Variants in ADAM18 observed in about 807,000 individuals in gnomAD.
ADAM18 encodes ADAM metallopeptidase domain 18, also known as disintegrin and metalloproteinase domain-containing protein 18.
A neutral mutation model predicts 94.4 loss-of-function variants in ADAM18; 117 were observed. That is an observed-to-expected ratio of 1.24 (90% confidence interval 1.07 to 1.45). The LOEUF (loss-of-function observed/expected upper bound fraction) is 1.45, where lower values mean the gene tolerates loss of function less well. Ranked by LOEUF, ADAM18 falls within the 40% of genes most tolerant of loss-of-function variation. ADAM18 has a pLI of 0.00. For synonymous variants in ADAM18, 327 were observed against 291.6 expected (o/e 1.12, Z -1.24); for missense variants, 936 against 880.0 (o/e 1.06, Z -0.81).
Position 39,609,515 on chromosome 8 carries a change from G to T in ADAM18, c.298G>T (p.Glu100Ter). ...MHCHYQGYAA[E>*]FPNSFVTLSI... ...TTGCCATTACCAAGGATATGCTGCC[G>T]AATTTCCAAATTCATTTGTGACACT... Residue 100 changes from glutamate (E) to a stop codon, truncating the protein, a stop_gained, in exon 5 of 20, where the codon GAA (glutamate) becomes TAA (stop). Coordinates refer to ENST00000265707, the MANE Select transcript of ADAM18 (RefSeq NM_014237.3). LOFTEE classifies it high-confidence loss of function. The T allele has an allele frequency of 6.2e-7, 1 of 1,610,992 alleles. No homozygotes were observed.
chr8:39,652,008 A>G (rs571455452), intron 12 of ADAM18, among the ~76,000 whole-genome samples: 19 of 152,170 alleles, frequency 1.2e-4, no homozygotes, highest in Non-Finnish European at 2.4e-4. Flanking sequence ...ATGTAGAAGA[A>G]CAAAATTAGA....
At chr8:39,699,092 C>T (rs1821998157) in intron 17 of ADAM18, among the ~76,000 whole-genome samples, 1 of 151,822 alleles carries the variant, frequency 6.6e-6, no homozygotes, top group African/African-American at 2.4e-5. Flanking sequence ...TAAAAATTGC[C>T]CTGATTACTG....
intron 18 of ADAM18, 115 bp from the exon 19 acceptor site, chr8:39,723,632 GT>G (rs1197478294): frequency 4.7e-6 from 3 of 643,416 alleles, no homozygotes; most frequent in Non-Finnish European, 7.0e-6. Context: ...TTTCCTAGTA[GT>G]TTGCAATGCA....
At chr8:39,697,449 T>C (rs1821955351) in intron 17 of ADAM18, among the ~76,000 whole-genome samples, 1 of 151,748 alleles carries the variant, frequency 6.6e-6, no homozygotes, top group African/African-American at 2.4e-5. Flanking sequence ...CAAAATATTT[T>C]CCAATTTTCC....
At chr8:39,667,852 T>A in intron 13 of ADAM18, 146 bp from the exon 14 acceptor site, 1 of 736,664 alleles carries the variant, frequency 1.4e-6, no homozygotes. Flanking sequence ...TGTATTTGAT[T>A]TTTTTTGGCA....
chr8:39,606,793 G>A (rs953072117), intron 3 of ADAM18, among the ~76,000 whole-genome samples: 4 of 152,088 alleles, frequency 2.6e-5, no homozygotes, highest in African/African-American at 4.8e-5. Context: ...GTCAGCAAAG[G>A]GAGATAGGGG....
At chr8:39,661,475 C>T (rs1424978231) in intron 12 of ADAM18, among the ~76,000 whole-genome samples, 3 of 151,582 alleles carry the variant, frequency 2.0e-5, no homozygotes, top group South Asian at 4.2e-4. Context: ...TTCCCAGCCT[C>T]TCTTTTCTAT....
At position 39,729,908 on chromosome 8, in the gene ADAM18, G is replaced by A. The variant is rs142507282; in HGVS notation, c.2188G>A (p.Val730Ile). 2.5e-4 allele frequency: 403 copies of A among 1,612,746 alleles called. No homozygotes were observed. Among genetic ancestry groups the A allele is most frequent in the Non-Finnish European group, 3.2e-4 (373 of 1,178,980 alleles). The stretch of plus-strand genomic sequence containing the variant: ...TTTTCTTCACTATAGTAATTCATCC[G>A]TTGTATCAGAAAGCGATGACGTGGG... ...ENAEYNRNSS[V>I]VSESDDVGH Residue 730 changes from valine (V) to isoleucine (I), a missense_variant, in exon 20 of 20, where the codon GTT becomes ATT. Physicochemically the swap from Val to Ile is conservative, Grantham distance 29 (BLOSUM62 3). Coordinates refer to ENST00000265707, the MANE Select transcript of ADAM18 (RefSeq NM_014237.3).
chr8:39,663,777 C>T lies in ADAM18; in HGVS notation c.1231-18C>T. 1 of 1,541,882 alleles carries T rather than the reference C, an allele frequency of 6.5e-7. No individual in the cohort carries two copies. The highest frequency in any genetic ancestry group is 8.9e-7 in the Non-Finnish European group (1 of 1,119,116). Reference sequence around the variant, plus strand: ...AAGTGGTTAAACTGTAATAATATTTCTTCCTGTAAAATTTTAGGAATGTCA... The same window carrying T: ...AAGTGGTTAAACTGTAATAATATTTTTTCCTGTAAAATTTTAGGAATGTCA... On this transcript the variant is annotated intron_variant, in intron 12 of 19. Transcript: ENST00000265707.
chr8:39,648,916 A>T (rs1304474262), intron 12 of ADAM18, among the ~76,000 whole-genome samples: 1 of 152,162 alleles, frequency 6.6e-6, no homozygotes, highest in Non-Finnish European at 1.5e-5. Context: ...GAATTGCTAA[A>T]CATTATAATG....
intron 7 of ADAM18, among the ~76,000 whole-genome samples, chr8:39,631,148 T>C (rs1201000385): frequency 1.3e-5 from 2 of 151,996 alleles, no homozygotes; most frequent in Admixed American, 1.3e-4. Context: ...TTTCTCGTAG[T>C]CTGTGGCTTA....
intron 18 of ADAM18, among the ~76,000 whole-genome samples, chr8:39,721,338 A>G (rs1048635917): frequency 5.3e-5 from 8 of 151,620 alleles, no homozygotes; most frequent in South Asian, 2.1e-4. Context: ...TTTTCTGGAC[A>G]TTGGTATAGG....
In ADAM18 at chr8:39,585,285, G is replaced by T. The variant is rs771786135; in HGVS notation, c.65G>T (p.Gly22Val). 5 of 1,612,184 alleles carry T rather than the reference G, an allele frequency of 3.1e-6. No individual in the cohort carries two copies. The South Asian group carries it at 3.3e-5, about 11-fold the overall frequency. Residue 22 changes from glycine to valine, a missense_variant, in exon 2 of 20, where the codon GGA becomes GTA. Physicochemically the swap from Gly to Val is moderately radical, Grantham distance 109. Coordinates refer to ENST00000265707, the MANE Select transcript of ADAM18 (RefSeq NM_014237.3). ...GRLQAHEGSE[G>V]IFLHVTVPRK... ...CATTTTCTTACTGCAGGTTCTGAAG[G>T]AATATTTCTGCATGTCACAGTTCCA...
chr8:39,667,271 AT>A (rs1662938077), intron 13 of ADAM18, among the ~76,000 whole-genome samples: 1 of 151,818 alleles, frequency 6.6e-6, no homozygotes, highest in Non-Finnish European at 1.5e-5. Flanking sequence ...GCGTGGTGGC[AT>A]GTACCTATAA....
In ADAM18 at chr8:39,677,470, A is replaced by G. The variant is rs1419065667; in HGVS notation, c.1565A>G (p.Asn522Ser). ...GAPFACFKEV[N>S]SLHERSENCG... ...CCATTTGCCTGTTTTAAAGAAGTTA[A>G]TTCTCTGCATGAAAGATCTGAAAAC... The change falls in exon 15 of 20, where the codon AAT becomes AGT. Residue 522 changes from asparagine to serine, a missense_variant. Physicochemically the swap from Asn to Ser is conservative, Grantham distance 46. Coordinates refer to ENST00000265707, the MANE Select transcript of ADAM18 (RefSeq NM_014237.3). 2 of 1,610,788 alleles carry G rather than the reference A, an allele frequency of 1.2e-6. No individual in the cohort carries two copies.
intron 17 of ADAM18, among the ~76,000 whole-genome samples, chr8:39,695,325 A>C (rs1349689957): frequency 6.6e-6 from 1 of 151,532 alleles, no homozygotes; most frequent in African/African-American, 2.4e-5. Flanking sequence ...ATTGTCTTTC[A>C]AAGTAGATGT....
chr8:39,601,743 A>C (rs1818909128), intron 2 of ADAM18, among the ~76,000 whole-genome samples: 1 of 152,218 alleles, frequency 6.6e-6, no homozygotes, highest in Non-Finnish European at 1.5e-5. Context: ...GCTGTTAATT[A>C]AATTCACACT....
rs112320113 is a variant in ADAM18 at position 39,725,922 on chromosome 8, C to T, written c.2177+2015C>T. Among the ~76,000 whole-genome samples, 430 of 152,114 alleles carry T rather than the reference C, an allele frequency of 2.8e-3. 5 individuals carry two copies. The highest frequency in any genetic ancestry group is 9.7e-3 in the African/African-American group (403 of 41,524). On this transcript the variant is annotated intron_variant, in intron 19 of 19. Coordinates refer to ENST00000265707, the MANE Select transcript of ADAM18 (RefSeq NM_014237.3). ...GTTCTATTTTTCATTTATGAAGAAC[C>T]GTCATACTGTTTTCCATAATGGCTA...
At chr8:39,707,174 A>G (rs1217758130) in intron 18 of ADAM18, among the ~76,000 whole-genome samples, 3 of 152,184 alleles carry the variant, frequency 2.0e-5, no homozygotes, top group Admixed American at 2.0e-4. Context: ...CTGTCCTTCC[A>G]TGTTTTATGC....
Sources: gnomAD v4.1 joint callset for allele counts (sites outside exome capture counted in the v4.1 genomes callset) on GRCh38, gnomAD v4.1.1 for gene constraint, MANE v1.5 for transcripts, NCBI Gene and HGNC (gene_info 2026-07-23, HGNC 2026-07-21) for gene names.